Variants in CADPS observed in about 807,000 individuals in gnomAD.
The protein encoded by CADPS is calcium-dependent secretion activator 1.
In CADPS, 57 loss-of-function variants were observed where a neutral mutation model predicts 167.3. The ratio of observed to expected loss-of-function variants is 0.34; its 90% confidence interval spans 0.28 to 0.42. The LOEUF is 0.42. CADPS is among the 20% of genes least tolerant of loss of function. The probability of loss-of-function intolerance (pLI) is 1.00; values close to 1 mark genes in which losing one functional copy is unlikely to be tolerated. For missense variants in CADPS, 1,414 were observed against 1,738.1 expected (o/e 0.81, Z 3.32); for synonymous variants, 676 against 635.3 (o/e 1.06, Z -0.96).
intron 6 of CADPS, among the ~76,000 whole-genome samples, chr3:62,622,884 A>C (rs1427725917): frequency 1.3e-5 from 2 of 152,184 alleles, no homozygotes; most frequent in Non-Finnish European, 2.9e-5. Context: ...GTACATTTCC[A>C]TTTGTTGCAG....
chr3:62,615,297 A>C (rs2062082354), intron 6 of CADPS, among the ~76,000 whole-genome samples: 1 of 152,186 alleles, frequency 6.6e-6, no homozygotes, highest in African/African-American at 2.4e-5. Flanking sequence ...ATCAATGGGC[A>C]CATTGGAACA....
intron 1 of CADPS, among the ~76,000 whole-genome samples, chr3:62,813,270 T>C (rs1354561650): frequency 6.6e-6 from 1 of 151,912 alleles, no homozygotes; most frequent in Non-Finnish European, 1.5e-5. Context: ...CACAGACACA[T>C]AATCCAGTAG....
chr3:62,628,945 CA>C (rs2064710031), intron 6 of CADPS, among the ~76,000 whole-genome samples: 1 of 152,050 alleles, frequency 6.6e-6, no homozygotes, highest in African/African-American at 2.4e-5. Flanking sequence ...CTTTTTGTAT[CA>C]TTCTGTAAAA....
chr3:62,738,392 G>T (rs2079447634), intron 3 of CADPS, among the ~76,000 whole-genome samples: 1 of 151,634 alleles, frequency 6.6e-6, no homozygotes, highest in Non-Finnish European at 1.5e-5. Context: ...TTCTACTTTT[G>T]CTAACAATCT....
chr3:62,812,589 A>G (rs2094437777), intron 1 of CADPS, among the ~76,000 whole-genome samples: 1 of 152,208 alleles, frequency 6.6e-6, no homozygotes, highest in South Asian at 2.1e-4. Context: ...CAAAGAAAAC[A>G]ACTGGCATGT....
intron 6 of CADPS, among the ~76,000 whole-genome samples, chr3:62,615,242 T>C (rs1275562738): frequency 2.0e-5 from 3 of 152,182 alleles, no homozygotes; most frequent in African/African-American, 7.2e-5. Context: ...CTCAGTTTTA[T>C]TGAGATGCTG....
At chr3:62,780,152 C>T (rs138760056) in intron 1 of CADPS, among the ~76,000 whole-genome samples, 13 of 152,226 alleles carry the variant, frequency 8.5e-5, no homozygotes, top group East Asian at 1.9e-4. Context: ...GGATTACAGG[C>T]GTGAGCCACT....
At chr3:62,536,403 A>T (rs2074698796) in intron 12 of CADPS, 42 bp downstream of exon 12, 1 of 1,556,510 alleles carries the variant, frequency 6.4e-7, no homozygotes, top group Non-Finnish European at 8.8e-7. Context: ...AATGAAAAAA[A>T]ATGTTATGTT....
At chr3:62,416,953 C>T (rs35382835) in intron 28 of CADPS, among the ~76,000 whole-genome samples, 1,657 of 152,006 alleles carry the variant, frequency 0.011, 14 homozygotes, top group Non-Finnish European at 0.014. Flanking sequence ...GGCGCGATCA[C>T]GGCTCACTGC....
intron 21 of CADPS, among the ~76,000 whole-genome samples, chr3:62,488,362 T>C (rs1406972095): frequency 2.6e-5 from 4 of 152,206 alleles, no homozygotes; most frequent in African/African-American, 9.6e-5. Flanking sequence ...TTTTTTACAC[T>C]CCATTTTATT....
chr3:62,716,586 C>T (rs2084677420), intron 3 of CADPS, among the ~76,000 whole-genome samples: 1 of 151,908 alleles, frequency 6.6e-6, no homozygotes, highest in South Asian at 2.1e-4. Context: ...ATACTGTCAC[C>T]CAAACAAGAT....
chr3:62,515,960 G>A lies in CADPS; in HGVS notation c.2581+99C>T, dbSNP rs1182847341. On this transcript the variant is annotated intron_variant, in intron 16 of 29. Transcript: ENST00000383710. ...AGGTTTCAGCTTAATATACTCAGAC[G>A]GACCACTGTTTTCAGGTGCCCTTGA... The A allele has an allele frequency of 6.4e-5, 92 of 1,435,700 alleles. No individual in the cohort carries two copies. The South Asian group carries it at 8.4e-4, about 13-fold the overall frequency. The allele number at this position is 1,435,700 out of a possible 1,614,324, so 88.9% of individuals were successfully genotyped here. A position where few individuals can be genotyped will look rare whatever the true frequency, so the allele number is the denominator to read the frequency against.
At chr3:62,442,153 A>C (rs1202629655) in intron 27 of CADPS, among the ~76,000 whole-genome samples, 4 of 150,760 alleles carry the variant, frequency 2.7e-5, no homozygotes, top group African/African-American at 9.8e-5. Flanking sequence ...GCTGCTGTAC[A>C]TTCTAGTTTG....
chr3:62,844,145 A>G (rs1358157501), intron 1 of CADPS, among the ~76,000 whole-genome samples: 2 of 152,194 alleles, frequency 1.3e-5, no homozygotes, highest in Admixed American at 6.5e-5. Context: ...AGGATGGGGG[A>G]AAAAGCAGAG....
At chr3:62,777,479 G>A (rs2090583299) in intron 1 of CADPS, among the ~76,000 whole-genome samples, 1 of 152,272 alleles carries the variant, frequency 6.6e-6, no homozygotes, top group East Asian at 1.9e-4. Flanking sequence ...GACAAAGAGT[G>A]AAGGTGATCT....
rs770935132 is a variant in CADPS, at chr3:62,474,151, G to GTTTTTTTTTTTTTTTTT, written c.3477+21_3477+22insAAAAAAAAAAAAAAAAA. Reference sequence around the variant, plus strand: ...TCAATGAAGAGGGAAAAAAAAATCTGTATTTTTTTTTTTTTTTTTACCTCT... The same window carrying GTTTTTTTTTTTTTTTTT: ...TCAATGAAGAGGGAAAAAAAAATCTGTTTTTTTTTTTTTTTTTTATTTTTTTTTTTTTTTTTACCTCT... On this transcript the variant is annotated intron_variant, in intron 24 of 29. Transcript: ENST00000383710. 9 of 497,510 alleles carry GTTTTTTTTTTTTTTTTT rather than the reference G, an allele frequency of 1.8e-5. No individual in the cohort carries two copies. The African/African-American group carries it at 3.4e-4, about 19-fold the overall frequency. 30.8% of individuals were successfully genotyped at this position (497,510 alleles called of 1,614,324 possible). A position where few individuals can be genotyped will look rare whatever the true frequency, so the allele number is the denominator to read the frequency against.
chr3:62,417,844 C>CA (rs1271704674), intron 28 of CADPS, among the ~76,000 whole-genome samples: 5 of 131,414 alleles, frequency 3.8e-5, no homozygotes, highest in African/African-American at 5.6e-5. Context: ...AACAAACAAA[C>CA]AAACAAAAAA....
intron 1 of CADPS, among the ~76,000 whole-genome samples, chr3:62,866,007 T>TA (rs911755328): frequency 6.6e-6 from 1 of 152,072 alleles, no homozygotes; most frequent in Non-Finnish European, 1.5e-5. Flanking sequence ...TGAAATGCAC[T>TA]AAAAAATGCA....
chr3:62,805,414 G>C (rs1055535585), intron 1 of CADPS, among the ~76,000 whole-genome samples: 2 of 152,062 alleles, frequency 1.3e-5, no homozygotes, highest in African/African-American at 4.8e-5. Flanking sequence ...CACTCCATTA[G>C]GAAGCACTAA....
Sources: allele counts gnomAD v4.1 joint callset (sites outside exome capture counted in the v4.1 genomes callset), GRCh38; gene constraint gnomAD v4.1.1; transcripts MANE v1.5; gene names NCBI Gene and HGNC (gene_info 2026-07-23, HGNC 2026-07-21).